Variants in DDX19A observed in about 807,000 individuals in gnomAD.
DDX19A encodes DEAD-box helicase 19A.
DDX19A carries 12 observed loss-of-function variants against 60.6 expected under a neutral mutation model. The observed-to-expected ratio is 0.20, with a 90% confidence interval of 0.13 to 0.32. DDX19A has a LOEUF of 0.32. DDX19A is among the 10% of genes least tolerant of loss of function. The probability of loss-of-function intolerance (pLI) is 1.00; values close to 1 mark genes in which losing one functional copy is unlikely to be tolerated. For synonymous variants in DDX19A, 206 were observed against 218.2 expected (o/e 0.94, Z 0.49); for missense variants, 337 against 600.6 (o/e 0.56, Z 4.59).
intron 2 of DDX19A, among the ~76,000 whole-genome samples, chr16:70,353,972 G>A (rs938378810): frequency 1.3e-5 from 2 of 151,040 alleles, no homozygotes; most frequent in African/African-American, 2.4e-5. Flanking sequence ...AAACTCCTGG[G>A]CTCAAGCTGT....
At chr16:70,353,357 C>A (rs1313015818) in intron 2 of DDX19A, among the ~76,000 whole-genome samples, 1 of 151,648 alleles carries the variant, frequency 6.6e-6, no homozygotes, top group African/African-American at 2.4e-5. Flanking sequence ...TCAGGCAATC[C>A]GCTCGCTTGG....
intron 2 of DDX19A, 24 bp downstream of exon 2, chr16:70,350,629 T>C: frequency 6.3e-7 from 1 of 1,588,030 alleles, no homozygotes; most frequent in Non-Finnish European, 8.6e-7. Flanking sequence ...AACTACAAGC[T>C]AGAAAAGAGT....
chr16:70,349,965 C>T (rs1438935264), intron 1 of DDX19A, among the ~76,000 whole-genome samples: 2 of 152,088 alleles, frequency 1.3e-5, no homozygotes, highest in Non-Finnish European at 1.5e-5. Flanking sequence ...CTTAGGTTAT[C>T]ATGTGGTTCT....
Position 70,347,064 on chromosome 16 carries a change from C to T in DDX19A, c.57+16C>T. The T allele has an allele frequency of 1.2e-6, 2 of 1,608,770 alleles. No individual in the cohort carries two copies. Among genetic ancestry groups the T allele is most frequent in the South Asian group, 1.1e-5 (1 of 90,326 alleles). On this transcript the variant is annotated intron_variant, in intron 1 of 11. Coordinates refer to ENST00000302243, the MANE Select transcript of DDX19A (RefSeq NM_018332.5). ...TGTCAAGTCGGTCAGTAGCTCAGCT[C>T]CTGGCGAGGAGGACGTAGCAGGGGC...
In DDX19A at chr16:70,373,266, A is replaced by G. The variant is rs1597547218; in HGVS notation, c.*1280A>G. On this transcript the variant is annotated 3_prime_UTR_variant, in exon 12 of 12. Coordinates refer to ENST00000302243, the MANE Select transcript of DDX19A (RefSeq NM_018332.5). ...AATAAGGATGGATAAATTGTAGCGT[A>G]TGCACCATTCATTATGCTAAGACAT... is the stretch of plus-strand genomic sequence containing the variant. 6.6e-6 allele frequency: 1 copy of G among 152,140 alleles called. No homozygotes were observed. The highest frequency in any genetic ancestry group is 2.4e-5 in the African/African-American group (1 of 41,428). 9.4% of individuals were successfully genotyped at this position (152,140 alleles called of 1,614,324 possible). A position where few individuals can be genotyped will look rare whatever the true frequency, so the allele number is the denominator to read the frequency against.
chr16:70,356,043 G>T, intron 3 of DDX19A, 69 bp from the exon 4 acceptor site: 1 of 1,601,664 alleles, frequency 6.2e-7, no homozygotes, highest in Non-Finnish European at 8.5e-7. Flanking sequence ...TGGAGAGGGA[G>T]AAAGAGTGGC....
intron 4 of DDX19A, among the ~76,000 whole-genome samples, chr16:70,356,460 G>A (rs931800596): frequency 2.0e-5 from 3 of 151,770 alleles, no homozygotes; most frequent in African/African-American, 7.3e-5. Context: ...GGGTTCAAGC[G>A]ATTCTCCTGC....
chr16:70,350,494 T>C (rs1044507808), intron 1 of DDX19A, 63 bp from the exon 2 acceptor site: 9 of 1,331,734 alleles, frequency 6.8e-6, no homozygotes, highest in Admixed American at 2.2e-5. Flanking sequence ...GTTTTTCTTT[T>C]CTTAGGGACC....
intron 5 of DDX19A, among the ~76,000 whole-genome samples, chr16:70,362,823 C>T (rs1309393608): frequency 6.6e-6 from 1 of 150,974 alleles, no homozygotes; most frequent in Admixed American, 6.6e-5. Context: ...ACCAGCCTGG[C>T]CAACATGGTG....
chr16:70,367,691 A>T (rs2151643804), intron 9 of DDX19A, among the ~76,000 whole-genome samples: 1 of 152,116 alleles, frequency 6.6e-6, no homozygotes, highest in South Asian at 2.1e-4. Flanking sequence ...CAGCCTGACC[A>T]ACATGGAGAA....
intron 2 of DDX19A, among the ~76,000 whole-genome samples, chr16:70,351,626 G>A (rs183877766): frequency 3.3e-5 from 5 of 151,840 alleles, no homozygotes; most frequent in Admixed American, 3.3e-4. Context: ...CCAGGTTCAC[G>A]CCATTCTTGT....
At chr16:70,370,408 C>G (rs1316889800) in intron 10 of DDX19A, 23 bp downstream of exon 10, 3 of 1,601,594 alleles carry the variant, frequency 1.9e-6, no homozygotes, top group Non-Finnish European at 2.6e-6. Flanking sequence ...CGTGTCCCAC[C>G]TGGTCTGCCA....
intron 4 of DDX19A, among the ~76,000 whole-genome samples, chr16:70,356,599 C>A (rs1349563415): frequency 1.3e-5 from 2 of 151,974 alleles, no homozygotes; most frequent in Non-Finnish European, 2.9e-5. Flanking sequence ...CTCAGGTGAT[C>A]TGCCTGCCTC....
At chr16:70,366,510 A>G (rs542815077) in intron 8 of DDX19A, 114 bp from the exon 9 acceptor site, 36 of 1,428,784 alleles carry the variant, frequency 2.5e-5, no homozygotes, top group South Asian at 3.9e-5. Flanking sequence ...CCTCCCCAAG[A>G]TGCTCCTCCC....
chr16:70,355,381 A>G, intron 2 of DDX19A, 104 bp from the exon 3 acceptor site: 2 of 934,452 alleles, frequency 2.1e-6, no homozygotes, highest in South Asian at 1.5e-5. Context: ...CGTCTGAAAA[A>G]TAAAAAAATA....
chr16:70,353,106 C>T (rs1184759609), intron 2 of DDX19A, among the ~76,000 whole-genome samples: 1 of 151,262 alleles, frequency 6.6e-6, no homozygotes. Flanking sequence ...AAGGTATATG[C>T]ATTTGCGATT....
At chr16:70,350,636 G>C (rs768122881) in intron 2 of DDX19A, 31 bp downstream of exon 2, 20 of 1,572,132 alleles carry the variant, frequency 1.3e-5, no homozygotes, top group Non-Finnish European at 1.5e-5. Context: ...AGCTAGAAAA[G>C]AGTTCCATGT....
chr16:70,371,855 G>T, intron 11 of DDX19A, 70 bp from the exon 12 acceptor site: 2 of 1,613,098 alleles, frequency 1.2e-6, no homozygotes, highest in East Asian at 2.2e-5. Context: ...GGGCCTGAAT[G>T]AATGATTGCT....
intron 4 of DDX19A, among the ~76,000 whole-genome samples, chr16:70,358,579 C>T (rs1199777159): frequency 6.6e-6 from 1 of 151,754 alleles, no homozygotes; most frequent in African/African-American, 2.4e-5. Flanking sequence ...CACGGTGGCT[C>T]ACGCCTATAA....
Sources: gnomAD v4.1 joint callset for allele counts (sites outside exome capture counted in the v4.1 genomes callset) on GRCh38, gnomAD v4.1.1 for gene constraint, MANE v1.5 for transcripts, NCBI Gene and HGNC (gene_info 2026-07-23, HGNC 2026-07-21) for gene names.